Variants in DPF3 observed in about 807,000 individuals in gnomAD.
The protein encoded by DPF3 is zinc finger protein DPF3.
In DPF3, 18 loss-of-function variants were observed where a neutral mutation model predicts 56.8. The observed-to-expected ratio is 0.32, with a 90% CI of 0.22 to 0.47. The LOEUF (loss-of-function observed/expected upper bound fraction) is 0.47, where lower values mean the gene tolerates loss of function less well. Among genes scored for constraint, DPF3 ranks in the 20% least tolerant of loss-of-function variants. DPF3 has a pLI of 1.00. For synonymous variants in DPF3, 188 were observed against 180.2 expected (o/e 1.04, Z -0.35); for missense variants, 403 against 488.8 (o/e 0.82, Z 1.65).
At chr14:72,688,542 T>C (rs1375707693) in intron 7 of DPF3, among the ~76,000 whole-genome samples, 1 of 152,166 alleles carries the variant, frequency 6.6e-6, no homozygotes, top group Non-Finnish European at 1.5e-5. Context: ...TAAGGGGGTT[T>C]TGAATTCTAG....
intron 1 of DPF3, among the ~76,000 whole-genome samples, chr14:72,856,659 T>C (rs1428372971): frequency 6.6e-6 from 1 of 152,224 alleles, no homozygotes; most frequent in African/African-American, 2.4e-5. Context: ...CTTAAGAGCA[T>C]AGCTGTTTCC....
chr14:72,838,908 C>CTTTTTTTTTTTTTTTTTTTTTTTT lies in DPF3; in HGVS notation c.32+55125_32+55148dup, dbSNP rs376458640. ...TATCATATATATTATCATATATATT[C>CTTTTTTTTTTTTTTTTTTTTTTTT]TTTTTTTTTTTTTTTTTTTTTTTTT... On this transcript the variant is annotated intron_variant, in intron 1 of 10. Coordinates refer to ENST00000556509, the MANE Select transcript of DPF3 (RefSeq NM_001280542.3). Among the ~76,000 whole-genome samples the CTTTTTTTTTTTTTTTTTTTTTTTT allele has an allele frequency of 6.4e-5, 5 of 78,618 alleles. 1 individual carries two copies. The highest frequency in any genetic ancestry group is 3.5e-4 in the African/African-American group (5 of 14,392). 51.6% of individuals were successfully genotyped at this position (78,618 alleles called of 152,430 possible). A position where few individuals can be genotyped will look rare whatever the true frequency, so the allele number is the denominator to read the frequency against.
At chr14:72,670,145 T>C (rs1465522099) in intron 8 of DPF3, 2 of 985,680 alleles carry the variant, frequency 2.0e-6, no homozygotes, top group African/African-American at 3.5e-5. Context: ...GATCATCCAA[T>C]GGGTATTGAT....
chr14:72,768,480 A>G (rs2139936671), intron 2 of DPF3, among the ~76,000 whole-genome samples: 2 of 152,366 alleles, frequency 1.3e-5, no homozygotes, highest in Admixed American at 1.3e-4. Flanking sequence ...ATAAAGCTAC[A>G]TATACACATT....
In DPF3 at chr14:72,674,349, T is replaced by TC. The variant is rs1567196753; in HGVS notation, c.761dup (p.Thr255AsnfsTer6). The TC allele has an allele frequency of 6.2e-7, 1 of 1,612,884 alleles. No homozygotes were observed. The highest frequency in any genetic ancestry group is 1.7e-5 in the Admixed American group (1 of 59,874). ...CACAGTAGTTATTGGGAATGACTGTTCCATCCGGTCCTTTCTGGGCTGTGG... is the reference window on the plus strand; with the variant it reads ...CACAGTAGTTATTGGGAATGACTGTTCCCATCCGGTCCTTTCTGGGCTGTGG... On this transcript the variant is annotated frameshift_variant, in exon 8 of 11. Coordinates refer to ENST00000556509, the MANE Select transcript of DPF3 (RefSeq NM_001280542.3). LOFTEE classifies it high-confidence loss of function.
chr14:72,715,755 T>C (rs1288153331), intron 5 of DPF3, among the ~76,000 whole-genome samples: 1 of 151,914 alleles, frequency 6.6e-6, no homozygotes, highest in African/African-American at 2.4e-5. Context: ...CAACACCACC[T>C]GCCAAGCTAC....
chr14:72,680,580 G>A (rs1887119221), intron 7 of DPF3, among the ~76,000 whole-genome samples: 1 of 152,260 alleles, frequency 6.6e-6, no homozygotes, highest in African/African-American at 2.4e-5. Flanking sequence ...GAAAGTAAAG[G>A]GGACTACGCT....
At chr14:72,832,081 G>A (rs1884083519) in intron 1 of DPF3, among the ~76,000 whole-genome samples, 1 of 152,088 alleles carries the variant, frequency 6.6e-6, no homozygotes, top group Non-Finnish European at 1.5e-5. Context: ...GCCAGGCATG[G>A]TGGCTCACAC....
At chr14:72,716,756 T>C (rs908800268) in intron 5 of DPF3, among the ~76,000 whole-genome samples, 15 of 152,168 alleles carry the variant, frequency 9.9e-5, no homozygotes, top group African/African-American at 3.6e-4. Flanking sequence ...GTCAGTCATC[T>C]CTGGTTCTTC....
intron 8 of DPF3, among the ~76,000 whole-genome samples, chr14:72,653,584 G>A (rs1304013953): frequency 6.6e-6 from 1 of 152,142 alleles, no homozygotes; most frequent in Non-Finnish European, 1.5e-5. Context: ...TCTTTTCCTC[G>A]CATCACATTC....
rs1226921999 is a variant in DPF3 at position 72,773,139 on chromosome 14, T to G, written c.33-1246A>C. Among the ~76,000 whole-genome samples, 22 of 150,640 alleles carry G rather than the reference T, an allele frequency of 1.5e-4. 1 individual carries two copies. The highest frequency in any genetic ancestry group is 5.3e-4 in the African/African-American group (22 of 41,166). ...GGGGTGTTGGGTTTTTTGGGTTTTT[T>G]TTTTTTTTTTTGAGATGGAGTCTCA... On this transcript the variant is annotated intron_variant, in intron 1 of 10. Coordinates refer to ENST00000556509, the MANE Select transcript of DPF3 (RefSeq NM_001280542.3).
At chr14:72,824,690 G>A (rs1018326441) in intron 1 of DPF3, among the ~76,000 whole-genome samples, 1 of 151,534 alleles carries the variant, frequency 6.6e-6, no homozygotes, top group Middle Eastern at 3.2e-3. Flanking sequence ...CTCCTCCTCA[G>A]TCTCCCAAGT....
chr14:72,739,586 C>T (rs1023488267), intron 3 of DPF3, among the ~76,000 whole-genome samples: 1 of 152,222 alleles, frequency 6.6e-6, no homozygotes, highest in Non-Finnish European at 1.5e-5. Flanking sequence ...GCTAACCCCA[C>T]CATGGGCATG....
intron 6 of DPF3, among the ~76,000 whole-genome samples, chr14:72,699,131 G>C (rs925357666): frequency 7.2e-5 from 11 of 152,130 alleles, no homozygotes; most frequent in Admixed American, 6.5e-4. Context: ...AAGAGACTGT[G>C]GAGAGAGAAA....
intron 8 of DPF3, chr14:72,662,852 T>G: frequency 1.0e-6 from 1 of 978,312 alleles, no homozygotes. Flanking sequence ...GGAAAGGCAA[T>G]GAAAGATAAA....
At chr14:72,688,479 T>C (rs943201802) in intron 7 of DPF3, among the ~76,000 whole-genome samples, 3 of 152,212 alleles carry the variant, frequency 2.0e-5, no homozygotes, top group Non-Finnish European at 4.4e-5. Flanking sequence ...CAATTCCCAC[T>C]GTGCAGAGAA....
chr14:72,834,730 G>A (rs1401556761), intron 1 of DPF3, among the ~76,000 whole-genome samples: 1 of 152,112 alleles, frequency 6.6e-6, no homozygotes, highest in Non-Finnish European at 1.5e-5. Flanking sequence ...ATATGTCCAC[G>A]CCAAGACTTG....
At chr14:72,756,897 GA>G (rs374268972) in intron 2 of DPF3, among the ~76,000 whole-genome samples, 4,745 of 41,254 alleles carry the variant, frequency 0.12, 62 homozygotes, top group Non-Finnish European at 0.13. Context: ...AAGAAAGAAA[GA>G]AAAGAAAAAA....
intron 1 of DPF3, among the ~76,000 whole-genome samples, chr14:72,858,254 G>A (rs532577050): frequency 6.8e-6 from 1 of 146,486 alleles, no homozygotes; most frequent in South Asian, 2.2e-4. Flanking sequence ...GTTGCAGTGA[G>A]CCAATATCAC....
Sources: allele counts gnomAD v4.1 joint callset (sites outside exome capture counted in the v4.1 genomes callset), GRCh38; gene constraint gnomAD v4.1.1; transcripts MANE v1.5; gene names NCBI Gene and HGNC (gene_info 2026-07-23, HGNC 2026-07-21).